MYO9A: variants seen among roughly 807,000 people sequenced by gnomAD.
MYO9A encodes the protein myosin IXA.
MYO9A carries 103 observed loss-of-function variants against 293.3 expected under a neutral mutation model. That is an observed-to-expected ratio of 0.35 (90% CI 0.30 to 0.41). The LOEUF is 0.41. Ranked by LOEUF, MYO9A falls within the 10% of genes least tolerant of loss-of-function variation. The pLI, the probability that MYO9A is intolerant of heterozygous loss-of-function variation, is 1.00. For synonymous variants in MYO9A, 1,001 were observed against 1,035.7 expected (o/e 0.97, Z 0.64); for missense variants, 2,685 against 3,033.0 (o/e 0.89, Z 2.69).
intron 6 of MYO9A, among the ~76,000 whole-genome samples, chr15:72,013,588 C>T (rs1470983243): frequency 1.3e-5 from 2 of 152,188 alleles, no homozygotes; most frequent in African/African-American, 4.8e-5. Flanking sequence ...TACATTCCCC[C>T]CACAAACATA....
chr15:71,825,466 G>GAAGAT lies in MYO9A; in HGVS notation c.*1109_*1113dup, dbSNP rs982228837. 4 of 151,984 alleles carry GAAGAT rather than the reference G, an allele frequency of 2.6e-5. No individual in the cohort carries two copies. The highest frequency in any genetic ancestry group is 9.7e-5 in the African/African-American group (4 of 41,396). The allele number at this position is 151,984 out of a possible 1,614,324, so 9.4% of individuals were successfully genotyped here. ...TTTAATACTGATAGTCTGAGAAAAG[G>GAAGAT]AAGATAAAAGTTAGTTAGTTAGATA... is the stretch of plus-strand genomic sequence containing the variant. On this transcript the variant is annotated 3_prime_UTR_variant, in exon 42 of 42. Coordinates refer to ENST00000356056, the MANE Select transcript of MYO9A (RefSeq NM_006901.4).
intron 26 of MYO9A, chr15:71,890,185 A>C (rs1292968393): frequency 2.6e-5 from 4 of 152,254 alleles, no homozygotes; most frequent in African/African-American, 9.6e-5. Flanking sequence ...TGGAGTAGAC[A>C]TCAGAGAGAA....
At position 71,935,458 on chromosome 15, in the gene MYO9A, C is replaced by T; in HGVS notation, c.2405G>A (p.Gly802Asp). 1 of 1,613,404 alleles carries T rather than the reference C, an allele frequency of 6.2e-7. No homozygotes were observed. The highest frequency in any genetic ancestry group is 8.5e-7 in the Non-Finnish European group (1 of 1,179,592). ...QHDTFDIAWNGRTGIRQSRLS... is the reference protein window; with the variant it reads ...QHDTFDIAWNDRTGIRQSRLS... ...TCTGCTCTGGCGAATCCCAGTTCTG[C>T]CATTCCAGGCAATATCAAATGTATC... The change falls in exon 17 of 42, where the codon GGC becomes GAC. Residue 802 changes from glycine to aspartate, a missense_variant. Physicochemically the swap from Gly to Asp is moderately conservative, Grantham distance 94. Transcript: ENST00000356056.
rs28707565 is a variant in MYO9A, at chr15:72,034,251, C to A, written c.841-1663G>T. Among the ~76,000 whole-genome samples the A allele has an allele frequency of 4.2e-3, 632 of 152,272 alleles. 6 individuals carry two copies. The highest frequency in any genetic ancestry group is 0.015 in the African/African-American group (605 of 41,554). ...TCACAAAACTATTGAATGAGAAACTCTGAGGATAAGGTCCAGCAATCTGTG... is the reference window on the plus strand; with the variant it reads ...TCACAAAACTATTGAATGAGAAACTATGAGGATAAGGTCCAGCAATCTGTG... On this transcript the variant is annotated intron_variant, in intron 2 of 41. Transcript: ENST00000356056.
At chr15:71,883,822 T>A in intron 27 of MYO9A, 86 bp from the exon 28 acceptor site, 1 of 1,213,306 alleles carries the variant, frequency 8.2e-7, no homozygotes, top group Non-Finnish European at 1.1e-6. Context: ...TTTACAAATC[T>A]TCTATGTATA....
rs1384444815 is a variant in MYO9A at position 71,824,796 on chromosome 15, T to C, written c.*1784A>G. ...CTCTGGCTCAATTCTGAACCCAAAG[T>C]AGGGAGAGGTAAGACTCCTGCTACC... is the stretch of plus-strand genomic sequence containing the variant. On this transcript the variant is annotated 3_prime_UTR_variant, in exon 42 of 42. Coordinates refer to ENST00000356056, the MANE Select transcript of MYO9A (RefSeq NM_006901.4). The C allele has an allele frequency of 6.6e-6, 1 of 152,184 alleles. No homozygotes were observed. Among genetic ancestry groups the C allele is most frequent in the African/African-American group, 2.4e-5 (1 of 41,440 alleles). The allele number at this position is 152,184 out of a possible 1,614,324, so 9.4% of individuals were successfully genotyped here.
At chr15:72,105,183 T>C (rs752813454) in intron 1 of MYO9A, among the ~76,000 whole-genome samples, 46 of 152,212 alleles carry the variant, frequency 3.0e-4, no homozygotes, top group Non-Finnish European at 5.7e-4. Context: ...CAGCTCCTTC[T>C]CAGTCACTTG....
intron 1 of MYO9A, among the ~76,000 whole-genome samples, chr15:72,062,199 C>A (rs2078897338): frequency 6.6e-6 from 1 of 152,144 alleles, no homozygotes; most frequent in African/African-American, 2.4e-5. Flanking sequence ...AATACTCAAT[C>A]CACTTTGAAT....
intron 32 of MYO9A, among the ~76,000 whole-genome samples, chr15:71,866,241 G>A (rs2056319596): frequency 6.6e-6 from 1 of 152,144 alleles, no homozygotes; most frequent in Non-Finnish European, 1.5e-5. Flanking sequence ...ACTTTGAAAC[G>A]CTGGATCATA....
At chr15:72,041,458 C>A in intron 2 of MYO9A, 1 of 356,960 alleles carries the variant, frequency 2.8e-6, no homozygotes, top group South Asian at 2.2e-5. Context: ...TCTTTTTTTC[C>A]CATGAAAACA....
intron 16 of MYO9A, 157 bp downstream of exon 16, chr15:71,938,695 C>T (rs1431900970): frequency 5.9e-6 from 3 of 510,044 alleles, no homozygotes; most frequent in African/African-American, 2.0e-5. Flanking sequence ...TAACTTTAAC[C>T]TATTAATGTG....
intron 32 of MYO9A, among the ~76,000 whole-genome samples, chr15:71,870,773 T>C (rs1446046848): frequency 1.3e-5 from 2 of 152,226 alleles, no homozygotes; most frequent in Non-Finnish European, 2.9e-5. Context: ...TATACATCAC[T>C]TCATTTGTGT....
intron 15 of MYO9A, among the ~76,000 whole-genome samples, chr15:71,940,397 T>A (rs1478461976): frequency 1.3e-5 from 2 of 151,708 alleles, no homozygotes; most frequent in African/African-American, 4.8e-5. Context: ...GAGTCTGATG[T>A]GGGAGAACTG....
chr15:71,953,057 A>G (rs1301646381), intron 14 of MYO9A, among the ~76,000 whole-genome samples: 1 of 152,212 alleles, frequency 6.6e-6, no homozygotes, highest in African/African-American at 2.4e-5. Context: ...AAATAAAGTG[A>G]ATTTGAAATA....
chr15:71,948,565 G>C (rs1457701998), intron 15 of MYO9A, among the ~76,000 whole-genome samples: 1 of 152,178 alleles, frequency 6.6e-6, no homozygotes, highest in Non-Finnish European at 1.5e-5. Flanking sequence ...TCACAGAAGA[G>C]ATGAGTAGCT....
At chr15:71,946,931 T>C (rs2929509) in intron 15 of MYO9A, among the ~76,000 whole-genome samples, 98,059 of 151,992 alleles carry the variant, frequency 0.65, 32,783 homozygotes, top group Middle Eastern at 0.74. Context: ...CTGGACAACA[T>C]AGTAAGACTC....
chr15:71,943,956 A>G (rs1238767740), intron 15 of MYO9A, among the ~76,000 whole-genome samples: 2 of 152,156 alleles, frequency 1.3e-5, no homozygotes, highest in African/African-American at 4.8e-5. Context: ...GTTTTCGGAA[A>G]TAACTGTACC....
rs777496981 is a variant in MYO9A at position 71,898,006 on chromosome 15, T to G, written c.4497A>C (p.Glu1499Asp). 14 of 1,614,052 alleles carry G rather than the reference T, an allele frequency of 8.7e-6. No homozygotes were observed. Among genetic ancestry groups the G allele is most frequent in the Non-Finnish European group, 1.0e-5 (12 of 1,180,048 alleles). ...KLEKLNTEKEERQKQLQQQNE... is the reference protein window; with the variant it reads ...KLEKLNTEKEDRQKQLQQQNE... The stretch of plus-strand genomic sequence containing the variant: ...TCTGTTGCTGCAACTGTTTTTGCCT[T>G]TCTTCCTTCTCAGTGTTTAGCTTTT... Residue 1499 changes from glutamate (E) to aspartate (D), a missense_variant, in exon 25 of 42, where the codon GAA (glutamate) becomes GAC (aspartate). Glu to Asp is a conservative substitution (Grantham distance 45, BLOSUM62 2). Coordinates refer to ENST00000356056, the MANE Select transcript of MYO9A (RefSeq NM_006901.4).
At position 71,826,930 on chromosome 15, in the gene MYO9A, C is replaced by A; in HGVS notation, c.7297G>T (p.Val2433Phe). The change falls in exon 42 of 42, where the codon GTC becomes TTC. Residue 2433 changes from valine (V) to phenylalanine (F), a missense_variant. Transcript: ENST00000356056. Reference protein sequence around the residue: ...QDSLDVVDSSVSSLCLSNTAS... With the variant: ...QDSLDVVDSSFSSLCLSNTAS... Reference sequence around the variant, plus strand: ...GTGTTAGACAGACATAAAGAGGAGACCGAAGAGTCCACGACATCTAAAGAG... The same window carrying A: ...GTGTTAGACAGACATAAAGAGGAGAACGAAGAGTCCACGACATCTAAAGAG... 1 of 1,614,016 alleles carries A rather than the reference C, an allele frequency of 6.2e-7. No individual in the cohort carries two copies. The highest frequency in any genetic ancestry group is 8.5e-7 in the Non-Finnish European group (1 of 1,179,942).
Sources: gnomAD v4.1 joint callset for allele counts (sites outside exome capture counted in the v4.1 genomes callset) on GRCh38, gnomAD v4.1.1 for gene constraint, MANE v1.5 for transcripts, NCBI Gene and HGNC (gene_info 2026-07-23, HGNC 2026-07-21) for gene names.